LDHB: variants seen among roughly 807,000 people sequenced by gnomAD.
LDHB encodes the protein lactate dehydrogenase B.
A neutral mutation model predicts 33.4 loss-of-function variants in LDHB; 18 were observed. The ratio of observed to expected loss-of-function variants is 0.54; its 90% CI spans 0.37 to 0.80. The LOEUF is 0.80. Ranked by LOEUF, LDHB falls within the 30% of genes least tolerant of loss-of-function variation. The pLI is 0.00. For synonymous variants in LDHB, 121 were observed against 140.6 expected, an observed-to-expected ratio of 0.86 and a Z score of 0.98; for missense variants, 345 against 407.9, an observed-to-expected ratio of 0.85 and a Z score of 1.33.
chr12:21,654,277 G>A lies in LDHB; in HGVS notation c.129+266C>T, dbSNP rs1938775141. On this transcript the variant is annotated intron_variant, in intron 2 of 7. Coordinates refer to ENST00000350669, the MANE Select transcript of LDHB (RefSeq NM_002300.8). ...TTTGACAACATGGAGAATTTTAAATGTTAATAGTGTATACTGGATGATAGT... is the reference window on the plus strand; with the variant it reads ...TTTGACAACATGGAGAATTTTAAATATTAATAGTGTATACTGGATGATAGT... 3 of 445,560 alleles carry A rather than the reference G, an allele frequency of 6.7e-6. No homozygotes were observed. In the South Asian group the frequency reaches 7.4e-5, roughly 11 times the overall value. 27.6% of individuals were successfully genotyped at this position (445,560 alleles called of 1,614,324 possible).
chr12:21,641,395 T>C (rs931287280), intron 5 of LDHB, among the ~76,000 whole-genome samples: 1 of 152,098 alleles, frequency 6.6e-6, no homozygotes, highest in Non-Finnish European at 1.5e-5. Context: ...TCTAAAATGA[T>C]GGGCATTCCA....
At chr12:21,637,634 G>C (rs997323171) in intron 6 of LDHB, among the ~76,000 whole-genome samples, 1 of 152,030 alleles carries the variant, frequency 6.6e-6, no homozygotes, top group Non-Finnish European at 1.5e-5. Flanking sequence ...TATCTTGCCT[G>C]ACAGTTTTTT....
chr12:21,637,088 C>T lies in LDHB; in HGVS notation c.820G>A (p.Val274Met), dbSNP rs200161747. 19 of 1,606,224 alleles carry T rather than the reference C, an allele frequency of 1.2e-5. No individual in the cohort carries two copies. Among genetic ancestry groups the T allele is most frequent in the Admixed American group, 3.3e-5 (2 of 59,962 alleles). The change falls in exon 7 of 8, where the codon GTG becomes ATG. Residue 274 changes from valine (V) to methionine (M), a missense_variant. Physicochemically the swap from Val to Met is conservative, Grantham distance 21. Transcript: ENST00000350669. ...MLKNLSRIHP[V>M]STMVKGMYGI... ...TGTCTTACCTTTACCATTGTTGACA[C>T]GGGATGAATCCTGGATAGATTTTTC...
chr12:21,656,095 T>C (rs1938835855), intron 1 of LDHB, among the ~76,000 whole-genome samples: 1 of 152,234 alleles, frequency 6.6e-6, no homozygotes, highest in South Asian at 2.1e-4. Flanking sequence ...TTAATTCTAA[T>C]CTGCAATGGA....
intron 4 of LDHB, chr12:21,643,659 T>C (rs1938432686): frequency 2.4e-6 from 1 of 415,946 alleles, no homozygotes; most frequent in East Asian, 4.1e-5. Context: ...ATAATCTTTA[T>C]AAAAAAGTTT....
chr12:21,645,604 T>C lies in LDHB; in HGVS notation c.247+1295A>G, dbSNP rs1024225174. On this transcript the variant is annotated intron_variant, in intron 3 of 7. Coordinates refer to ENST00000350669, the MANE Select transcript of LDHB (RefSeq NM_002300.8). ...CCTTTAAGGCATTGAGATGTTTATG[T>C]ATATGCACATCAAAAGCACAGCACT... is the stretch of plus-strand genomic sequence containing the variant. 3.3e-5 allele frequency among the ~76,000 whole-genome samples: 5 copies of C among 152,224 alleles called. 1 individual carries two copies. The highest frequency in any genetic ancestry group is 9.6e-5 in the African/African-American group (4 of 41,460).
At position 21,635,517 on chromosome 12, in the gene LDHB, A is replaced by G. The variant is rs1386787152; in HGVS notation, c.*25T>C. On this transcript the variant is annotated 3_prime_UTR_variant, in exon 8 of 8. Transcript: ENST00000350669. ...GAGTTAATCACATTGTAGTTTTTAA[A>G]TTTCTACAGCCTAGAGCTCACTAGT... is the stretch of plus-strand genomic sequence containing the variant. 1 of 1,595,496 alleles carries G rather than the reference A, an allele frequency of 6.3e-7. No individual in the cohort carries two copies. The highest frequency in any genetic ancestry group is 1.1e-5 in the South Asian group (1 of 90,668).
At chr12:21,651,276 G>A (rs1392956233) in intron 2 of LDHB, among the ~76,000 whole-genome samples, 1 of 152,208 alleles carries the variant, frequency 6.6e-6, no homozygotes, top group Non-Finnish European at 1.5e-5. Flanking sequence ...GGGATTTTAT[G>A]TATGTGTGTA....
intron 1 of LDHB, among the ~76,000 whole-genome samples, chr12:21,655,315 C>T (rs1311570681): frequency 6.6e-6 from 1 of 152,060 alleles, no homozygotes; most frequent in African/African-American, 2.4e-5. Flanking sequence ...TGTTTGTTTC[C>T]TCTATTAAGA....
chr12:21,640,185 T>C (rs926641134), intron 5 of LDHB, among the ~76,000 whole-genome samples: 44 of 151,316 alleles, frequency 2.9e-4, no homozygotes, highest in Admixed American at 4.6e-4. Context: ...ATTCAATATA[T>C]TGTGGTTTAA....
intron 1 of LDHB, chr12:21,657,127 T>C (rs1262550397): frequency 6.6e-6 from 1 of 152,076 alleles, no homozygotes; most frequent in African/African-American, 2.4e-5. Context: ...AGGACTTCCT[T>C]ACTCGGAGCA....
At chr12:21,636,044 C>G (rs1468294336) in intron 7 of LDHB, among the ~76,000 whole-genome samples, 1 of 152,058 alleles carries the variant, frequency 6.6e-6, no homozygotes, top group African/African-American at 2.4e-5. Context: ...ATAGAATATG[C>G]AAACATACAC....
intron 3 of LDHB, 36 bp from the exon 4 acceptor site, chr12:21,644,144 G>A (rs1301859377): frequency 7.0e-7 from 1 of 1,427,632 alleles, no homozygotes; most frequent in African/African-American, 1.4e-5. Flanking sequence ...TACTTTAAAT[G>A]CAACTCTTCA....
chr12:21,639,445 T>C (rs921363479), intron 5 of LDHB, among the ~76,000 whole-genome samples: 6 of 151,582 alleles, frequency 4.0e-5, no homozygotes, highest in African/African-American at 1.2e-4. Context: ...TTATTTTTTT[T>C]CTCACTAAAA....
At chr12:21,647,581 C>T (rs959504665) in intron 2 of LDHB, among the ~76,000 whole-genome samples, 1 of 151,896 alleles carries the variant, frequency 6.6e-6, no homozygotes, top group South Asian at 2.1e-4. Context: ...TGAGACTTGC[C>T]CAGTCTCAGA....
chr12:21,643,656 T>C (rs549421863), intron 4 of LDHB: 1 of 408,706 alleles, frequency 2.4e-6, no homozygotes, highest in South Asian at 4.0e-5. Flanking sequence ...AGGATAATCT[T>C]TATAAAAAAG....
chr12:21,653,983 TG>T (rs1468120988), intron 2 of LDHB, among the ~76,000 whole-genome samples: 3 of 152,206 alleles, frequency 2.0e-5, no homozygotes, highest in African/African-American at 7.2e-5. Context: ...GAACATCATG[TG>T]TCTCCTGATG....
At chr12:21,642,169 C>T in intron 4 of LDHB, 44 bp from the exon 5 acceptor site, 1 of 1,470,938 alleles carries the variant, frequency 6.8e-7, no homozygotes, top group African/African-American at 1.4e-5. Context: ...CCAAAACCAA[C>T]TTCAACTGTT....
intron 2 of LDHB, among the ~76,000 whole-genome samples, chr12:21,648,011 C>T (rs1052656314): frequency 7.3e-6 from 1 of 137,796 alleles, no homozygotes; most frequent in Non-Finnish European, 1.6e-5. Context: ...TAAATTTTCT[C>T]AATATCTACA....
Sources: allele counts gnomAD v4.1 joint callset (sites outside exome capture counted in the v4.1 genomes callset), GRCh38; gene constraint gnomAD v4.1.1; transcripts MANE v1.5; gene names NCBI Gene and HGNC (gene_info 2026-07-23, HGNC 2026-07-21).